The following ASIC2 variants were observed in gnomAD, a reference collection of about 807,000 sequenced individuals.
ASIC2 encodes the protein acid sensing ion channel subunit 2.
Under a neutral mutation model 57.3 loss-of-function variants are expected in ASIC2, and 25 were observed. The ratio of observed to expected loss-of-function variants is 0.44; its 90% CI spans 0.32 to 0.61. The LOEUF (loss-of-function observed/expected upper bound fraction) is 0.61. ASIC2 is among the 20% of genes least tolerant of loss of function. The pLI, the probability that ASIC2 is intolerant of heterozygous loss-of-function variation, is 0.06. For synonymous variants in ASIC2, 319 were observed against 307.5 expected, an observed-to-expected ratio of 1.04 and a Z score of -0.39; for missense variants, 641 against 738.1, an observed-to-expected ratio of 0.87 and a Z score of 1.52.
At chr17:33,041,096 G>C (rs1386339780) in intron 3 of ASIC2, among the ~76,000 whole-genome samples, 1 of 152,128 alleles carries the variant, frequency 6.6e-6, no homozygotes, top group African/African-American at 2.4e-5. Flanking sequence ...CAGAGCCCTG[G>C]AGCCTGTTCT....
intron 1 of ASIC2, among the ~76,000 whole-genome samples, chr17:33,633,883 A>G (rs1390326653): frequency 6.6e-6 from 1 of 152,138 alleles, no homozygotes; most frequent in Non-Finnish European, 1.5e-5. Flanking sequence ...CTGCCTCTTC[A>G]TGACTCCTAA....
intron 1 of ASIC2, among the ~76,000 whole-genome samples, chr17:33,836,019 A>G (rs1378769819): frequency 6.6e-6 from 1 of 150,652 alleles, no homozygotes; most frequent in East Asian, 1.9e-4. Context: ...ATCGTATATA[A>G]TATGTATCCT....
intron 1 of ASIC2, among the ~76,000 whole-genome samples, chr17:33,715,297 T>C (rs1468337892): frequency 6.6e-6 from 1 of 152,186 alleles, no homozygotes; most frequent in Non-Finnish European, 1.5e-5. Context: ...CCACTGTGCA[T>C]AGCCCATTTT....
chr17:33,514,741 G>A (rs1387250192), intron 1 of ASIC2, among the ~76,000 whole-genome samples: 6 of 152,194 alleles, frequency 3.9e-5, no homozygotes, highest in Non-Finnish European at 7.3e-5. Flanking sequence ...AAAAGATCAC[G>A]TGGTCTTGGA....
intron 1 of ASIC2, among the ~76,000 whole-genome samples, chr17:33,587,612 CA>C (rs1904681038): frequency 6.6e-6 from 1 of 152,188 alleles, no homozygotes; most frequent in Non-Finnish European, 1.5e-5. Flanking sequence ...GATTGACTGC[CA>C]TGATTAGCTT....
intron 1 of ASIC2, among the ~76,000 whole-genome samples, chr17:33,633,789 T>G (rs1906254644): frequency 6.6e-6 from 1 of 152,206 alleles, no homozygotes; most frequent in African/African-American, 2.4e-5. Flanking sequence ...AGTTCCAGCC[T>G]TATCCTCAGG....
At chr17:34,057,634 AG>A (rs1190243996) in intron 1 of ASIC2, among the ~76,000 whole-genome samples, 1 of 152,190 alleles carries the variant, frequency 6.6e-6, no homozygotes, top group Non-Finnish European at 1.5e-5. Flanking sequence ...AGGAAGCAAC[AG>A]GAAGTGAGGA....
At chr17:33,406,687 G>A (rs746120194) in intron 1 of ASIC2, among the ~76,000 whole-genome samples, 1 of 152,214 alleles carries the variant, frequency 6.6e-6, no homozygotes, top group Non-Finnish European at 1.5e-5. Context: ...GATGGTAAGG[G>A]CTATGCAAGC....
chr17:33,051,556 T>C (rs2091976362), intron 3 of ASIC2, among the ~76,000 whole-genome samples: 1 of 152,174 alleles, frequency 6.6e-6, no homozygotes, highest in East Asian at 1.9e-4. Context: ...AAGCACCTCA[T>C]CTGGGGACTG....
chr17:33,201,374 G>GGGAGTCAACTCTGGAGGCA (rs1906852603), intron 1 of ASIC2, among the ~76,000 whole-genome samples: 2 of 152,246 alleles, frequency 1.3e-5, no homozygotes, highest in African/African-American at 4.8e-5. Context: ...AGGGGGAGGT[G>GGGAGTCAACTCTGGAGGCA]GGACTCAACT....
upstream of ASIC2, among the ~76,000 whole-genome samples, chr17:33,297,359 C>T (rs986249845): frequency 2.6e-5 from 4 of 152,098 alleles, no homozygotes; most frequent in East Asian, 1.9e-4. Flanking sequence ...GATATTTCTG[C>T]GGGTGGTTGG....
intron 1 of ASIC2, among the ~76,000 whole-genome samples, chr17:33,149,142 CAT>C (rs1904683545): frequency 6.6e-6 from 1 of 152,014 alleles, no homozygotes; most frequent in Admixed American, 6.6e-5. Context: ...ACAAACTTGA[CAT>C]ATATCTTTTC....
intron 1 of ASIC2, among the ~76,000 whole-genome samples, chr17:33,656,659 G>C (rs1907086178): frequency 6.6e-6 from 1 of 152,092 alleles, no homozygotes; most frequent in Admixed American, 6.6e-5. Flanking sequence ...CTCCAGGAAG[G>C]CCTCCTGGAA....
intron 1 of ASIC2, chr17:34,118,417 A>G (rs561504187): frequency 6.6e-6 from 1 of 152,260 alleles, no homozygotes; most frequent in South Asian, 2.1e-4. Context: ...ACTATTGATC[A>G]GAGAAGGAAA....
chr17:33,469,150 T>C (rs1390165344), intron 1 of ASIC2, among the ~76,000 whole-genome samples: 1 of 152,148 alleles, frequency 6.6e-6, no homozygotes, highest in Non-Finnish European at 1.5e-5. Flanking sequence ...AGGAAGCGCT[T>C]GGCAAAGACA....
chr17:33,494,846 T>G (rs1051557655), intron 1 of ASIC2, among the ~76,000 whole-genome samples: 1 of 152,202 alleles, frequency 6.6e-6, no homozygotes, highest in Non-Finnish European at 1.5e-5. Context: ...AGATAGAAAG[T>G]GATGACGCCC....
chr17:33,683,423 G>T (rs1317720103), intron 1 of ASIC2, among the ~76,000 whole-genome samples: 1 of 152,190 alleles, frequency 6.6e-6, no homozygotes, highest in Non-Finnish European at 1.5e-5. Flanking sequence ...CCAGGCTGGA[G>T]CACAGTGGTG....
chr17:33,371,926 T>C (rs1329069961), intron 1 of ASIC2, among the ~76,000 whole-genome samples: 1 of 151,958 alleles, frequency 6.6e-6, no homozygotes, highest in African/African-American at 2.4e-5. Flanking sequence ...GAGCAGACGG[T>C]GAGGACAGGG....
intron 1 of ASIC2, among the ~76,000 whole-genome samples, chr17:33,343,340 T>C (rs1907806941): frequency 1.3e-5 from 2 of 152,202 alleles, no homozygotes; most frequent in Admixed American, 1.3e-4. Flanking sequence ...CTCTCTGATG[T>C]AGTTCCGTGA....
Sources: gnomAD v4.1 joint callset for allele counts (sites outside exome capture counted in the v4.1 genomes callset) on GRCh38, gnomAD v4.1.1 for gene constraint, MANE v1.5 for transcripts, NCBI Gene and HGNC (gene_info 2026-07-23, HGNC 2026-07-21) for gene names.